The following ANGPTL1 variants were observed in gnomAD, a reference collection of about 807,000 sequenced individuals.
ANGPTL1 encodes the protein angiopoietin like 1, also known as angiopoietin-related protein 1.
A neutral mutation model predicts 46.7 loss-of-function variants in ANGPTL1; 36 were observed. The ratio of observed to expected loss-of-function variants is 0.77; its 90% CI spans 0.59 to 1.02. The LOEUF (loss-of-function observed/expected upper bound fraction) is 1.02, where lower values mean the gene tolerates loss of function less well. Ranked by LOEUF, ANGPTL1 falls within the 50% of genes least tolerant of loss-of-function variation. ANGPTL1 has a pLI of 0.00. For synonymous variants in ANGPTL1, 221 were observed against 204.3 expected (o/e 1.08, Z -0.69); for missense variants, 571 against 594.7 (o/e 0.96, Z 0.41).
chr1:178,868,616 G>C (rs1658561904), intron 2 of ANGPTL1, among the ~76,000 whole-genome samples: 1 of 151,916 alleles, frequency 6.6e-6, no homozygotes. Flanking sequence ...TTAGGACTTT[G>C]CATCAGTGTT....
At chr1:178,866,609 C>T (rs952541860) in intron 2 of ANGPTL1, among the ~76,000 whole-genome samples, 3 of 152,006 alleles carry the variant, frequency 2.0e-5, no homozygotes, top group African/African-American at 7.2e-5. Context: ...CAACCATTAC[C>T]AAGGAAAGAA....
At chr1:178,859,401 C>CTTTTTTT (rs543947031) in intron 3 of ANGPTL1, among the ~76,000 whole-genome samples, 5 of 122,902 alleles carry the variant, frequency 4.1e-5, no homozygotes, top group African/African-American at 9.3e-5. Flanking sequence ...CCAAGTTTAA[C>CTTTTTTT]TTTTTTTTTT....
chr1:178,854,578 A>G (rs918902032), intron 3 of ANGPTL1, among the ~76,000 whole-genome samples: 1 of 152,120 alleles, frequency 6.6e-6, no homozygotes, highest in Non-Finnish European at 1.5e-5. Flanking sequence ...AGTTGTATCA[A>G]TCTGTATGAC....
At position 178,850,631 on chromosome 1, in the gene ANGPTL1, T is replaced by G. The variant is rs1416487995; in HGVS notation, c.*498A>C. ...ACGTGTGAAAGGCACAAATTCAATT[T>G]GAAATAACTTTTATTCAATGGAAGA... On this transcript the variant is annotated 3_prime_UTR_variant, in exon 6 of 6. Transcript: ENST00000234816. 6.6e-6 allele frequency: 1 copy of G among 152,338 alleles called. No homozygotes were observed. Among genetic ancestry groups the G allele is most frequent in the Non-Finnish European group, 1.5e-5 (1 of 68,164 alleles). The allele number at this position is 152,338 out of a possible 1,614,324, so 9.4% of individuals were successfully genotyped here. A position where few individuals can be genotyped will look rare whatever the true frequency, so the allele number is the denominator to read the frequency against.
At position 178,865,175 on chromosome 1, in the gene ANGPTL1, A is replaced by G. The variant is rs371377179; in HGVS notation, c.602T>C (p.Leu201Ser). 3.1e-6 allele frequency: 5 copies of G among 1,612,082 alleles called. No homozygotes were observed. The highest frequency in any genetic ancestry group is 4.2e-6 in the Non-Finnish European group (5 of 1,178,800). Residue 201 changes from leucine to serine, a missense_variant, in exon 3 of 6, where the codon TTG becomes TCG. Coordinates refer to ENST00000234816, the MANE Select transcript of ANGPTL1 (RefSeq NM_004673.4). ...VMITLLEEQCLRIFSRQDTHV... is the reference protein window; with the variant it reads ...VMITLLEEQCSRIFSRQDTHV... ...GGTGTCTTGTCGGGAAAATATCCTC[A>G]AGCACTGTTCTTCCAACAAAGTGAT...
Position 178,851,080 on chromosome 1 carries a change from G to T in ANGPTL1, c.*49C>A. 2 of 1,502,948 alleles carry T rather than the reference G, an allele frequency of 1.3e-6. No individual in the cohort carries two copies. The highest frequency in any genetic ancestry group is 1.8e-6 in the Non-Finnish European group (2 of 1,116,848). 93.1% of individuals were successfully genotyped at this position (1,502,948 alleles called of 1,614,324 possible). ...ACATGTAACATTTACATTTTTAAGAGCTGAAAAGTACAAAGTTCTGTGTCA... is the reference window on the plus strand; with the variant it reads ...ACATGTAACATTTACATTTTTAAGATCTGAAAAGTACAAAGTTCTGTGTCA... On this transcript the variant is annotated 3_prime_UTR_variant, in exon 6 of 6. Transcript: ENST00000234816.
intron 3 of ANGPTL1, among the ~76,000 whole-genome samples, chr1:178,863,479 T>G (rs1658171311): frequency 6.6e-6 from 1 of 152,246 alleles, no homozygotes; most frequent in Admixed American, 6.5e-5. Flanking sequence ...GTGTGTTTGT[T>G]TGAATCTAGG....
intron 3 of ANGPTL1, among the ~76,000 whole-genome samples, chr1:178,856,638 T>A (rs182611510): frequency 2.6e-5 from 4 of 151,948 alleles, no homozygotes; most frequent in Admixed American, 1.3e-4. Flanking sequence ...TTCAGAGCCC[T>A]TAACACTATA....
At position 178,850,571 on chromosome 1, in the gene ANGPTL1, T is replaced by C. The variant is rs1385081932; in HGVS notation, c.*558A>G. ...GGGTCATGTTTTGGGAAAATCAGCA[T>C]AGGATATATTATTAAGAATTCAGAT... On this transcript the variant is annotated 3_prime_UTR_variant, in exon 6 of 6. Transcript: ENST00000234816. 6.6e-6 allele frequency: 1 copy of C among 152,094 alleles called. No homozygotes were observed. The highest frequency in any genetic ancestry group is 1.5e-5 in the Non-Finnish European group (1 of 68,008). The allele number at this position is 152,094 out of a possible 1,614,324, so 9.4% of individuals were successfully genotyped here.
chr1:178,853,007 A>C, intron 4 of ANGPTL1, 54 bp from the exon 5 acceptor site: 17 of 1,541,434 alleles, frequency 1.1e-5, no homozygotes, highest in Non-Finnish European at 1.4e-5. Context: ...GATAGTAAAC[A>C]TTTTTACAGA....
At position 178,852,675 on chromosome 1, in the gene ANGPTL1, A is replaced by G. The variant is rs564307595; in HGVS notation, c.1288+8T>C. 26 of 1,602,972 alleles carry G rather than the reference A, an allele frequency of 1.6e-5. No individual in the cohort carries two copies. In the East Asian group the frequency reaches 5.6e-4, roughly 34 times the overall value. ...ATTCTACAAAGAATGAAAGTTTTTC[A>G]TACTTACCTGCATACATATCTTTAT... is the stretch of plus-strand genomic sequence containing the variant. On this transcript the variant is annotated splice_region_variant and intron_variant, in intron 5 of 5. Transcript: ENST00000234816.
At chr1:178,851,895 G>A (rs1387058719) in intron 5 of ANGPTL1, among the ~76,000 whole-genome samples, 1 of 152,124 alleles carries the variant, frequency 6.6e-6, no homozygotes, top group African/African-American at 2.4e-5. Flanking sequence ...TGGGTGGAGG[G>A]GAGGAGGGGA....
Position 178,856,394 on chromosome 1 carries a change from A to ATTTTTTTTTTTTTTTTTTT in ANGPTL1, c.824-2626_824-2608dup, listed in dbSNP as rs71108081. On this transcript the variant is annotated intron_variant, in intron 3 of 5. Coordinates refer to ENST00000234816, the MANE Select transcript of ANGPTL1 (RefSeq NM_004673.4). ...AGGCAAGTGCCACCCTGCCTGGCTA[A>ATTTTTTTTTTTTTTTTTTT]TTTTTTTTTTTTTTTTTTTTTTTTT... 3.3e-4 allele frequency among the ~76,000 whole-genome samples: 12 copies of ATTTTTTTTTTTTTTTTTTT among 36,430 alleles called. 3 individuals are homozygous for ATTTTTTTTTTTTTTTTTTT. The highest frequency in any genetic ancestry group is 5.8e-4 in the African/African-American group (4 of 6,866). 23.9% of individuals were successfully genotyped at this position (36,430 alleles called of 152,430 possible).
chr1:178,852,075 T>C (rs765059382), intron 5 of ANGPTL1, among the ~76,000 whole-genome samples: 2 of 152,164 alleles, frequency 1.3e-5, no homozygotes, highest in Non-Finnish European at 2.9e-5. Flanking sequence ...GTCATCTTGG[T>C]TTTCCCCCTC....
chr1:178,855,215 G>T (rs910156601), intron 3 of ANGPTL1, among the ~76,000 whole-genome samples: 1 of 151,570 alleles, frequency 6.6e-6, no homozygotes, highest in Non-Finnish European at 1.5e-5. Flanking sequence ...ATCTCATTAG[G>T]TAGTTACACA....
rs145240071 is a variant in ANGPTL1 at position 178,865,286 on chromosome 1, T to G, written c.491A>C (p.Glu164Ala). ...GTATCTTGTTGCCATCTTCAACATT[T>G]CTGTGGTGACATTGAGGATTTTGTT... ...LENKILNVTT[E>A]MLKMATRYRE... Residue 164 changes from glutamate (E) to alanine (A), a missense_variant, in exon 3 of 6, where the codon GAA becomes GCA. Physicochemically the swap from Glu to Ala is moderately radical, Grantham distance 107 (BLOSUM62 -1). Coordinates refer to ENST00000234816, the MANE Select transcript of ANGPTL1 (RefSeq NM_004673.4). The G allele has an allele frequency of 1.6e-5, 26 of 1,614,118 alleles. No individual in the cohort carries two copies. In the African/African-American group the frequency reaches 3.1e-4, roughly 19 times the overall value.
At chr1:178,863,996 G>A (rs151038371) in intron 3 of ANGPTL1, among the ~76,000 whole-genome samples, 2 of 152,158 alleles carry the variant, frequency 1.3e-5, no homozygotes, top group South Asian at 2.1e-4. Context: ...TTATTTACTC[G>A]TTGCTTTGGG....
intron 3 of ANGPTL1, among the ~76,000 whole-genome samples, chr1:178,863,606 GAAATATCC>G (rs1658179866): frequency 6.6e-6 from 1 of 152,210 alleles, no homozygotes; most frequent in African/African-American, 2.4e-5. Flanking sequence ...AGGTAATGGT[GAAATATCC>G]AAATGCAAAC....
intron 3 of ANGPTL1, among the ~76,000 whole-genome samples, chr1:178,863,555 G>C (rs1052049542): frequency 6.6e-6 from 1 of 152,194 alleles, no homozygotes; most frequent in Non-Finnish European, 1.5e-5. Context: ...CGACAGATAA[G>C]CTGAAAGAAG....
Sources: allele counts gnomAD v4.1 joint callset (sites outside exome capture counted in the v4.1 genomes callset), GRCh38; gene constraint gnomAD v4.1.1; transcripts MANE v1.5; gene names NCBI Gene and HGNC (gene_info 2026-07-23, HGNC 2026-07-21).